PUM2: variants seen among roughly 807,000 people sequenced by gnomAD.
PUM2 encodes the protein pumilio RNA binding family member 2.
In PUM2, 57 loss-of-function variants were observed where a neutral mutation model predicts 124.5. The observed-to-expected ratio is 0.46, with a 90% CI of 0.37 to 0.57. The LOEUF (loss-of-function observed/expected upper bound fraction) is 0.57. PUM2 is among the 20% of genes least tolerant of loss of function. The pLI is 0.00. For missense variants in PUM2, 1,065 were observed against 1,290.6 expected, an observed-to-expected ratio of 0.83 and a Z score of 2.68; for synonymous variants, 460 against 446.1, an observed-to-expected ratio of 1.03 and a Z score of -0.39.
At chr2:20,316,760 T>C (rs1332914585) in intron 3 of PUM2, among the ~76,000 whole-genome samples, 2 of 152,050 alleles carry the variant, frequency 1.3e-5, no homozygotes, top group African/African-American at 4.8e-5. Flanking sequence ...CGGCCAGGCA[T>C]GGTGGCTCAT....
chr2:20,294,277 C>T, intron 9 of PUM2, 99 bp downstream of exon 9: 3 of 1,371,132 alleles, frequency 2.2e-6, no homozygotes, highest in South Asian at 1.4e-5. Flanking sequence ...TCGTGTTACA[C>T]AGTGAGGAAA....
intron 13 of PUM2, among the ~76,000 whole-genome samples, chr2:20,264,963 T>G (rs1404194033): frequency 6.6e-6 from 1 of 152,128 alleles, no homozygotes; most frequent in African/African-American, 2.4e-5. Flanking sequence ...ATGCATTATT[T>G]ATTTGAATCC....
chr2:20,290,445 TC>T (rs1673759015), intron 10 of PUM2, among the ~76,000 whole-genome samples: 1 of 6,538 alleles, frequency 1.5e-4, no homozygotes. Flanking sequence ...TATTTACCAT[TC>T]CTGTCGTTGA....
intron 8 of PUM2, among the ~76,000 whole-genome samples, chr2:20,296,434 G>A (rs897366610): frequency 2.6e-5 from 4 of 151,800 alleles, no homozygotes; most frequent in Non-Finnish European, 5.9e-5. Context: ...GGCGGAGCTT[G>A]CAGTGAGCCG....
intron 19 of PUM2, 78 bp from the exon 20 acceptor site, chr2:20,254,092 C>T: frequency 1.6e-6 from 2 of 1,237,308 alleles, no homozygotes; most frequent in South Asian, 2.9e-5. Flanking sequence ...TAGAAAGAAT[C>T]TTCTCCAATG....
chr2:20,347,380 C>T (rs1407229641), intron 1 of PUM2, among the ~76,000 whole-genome samples: 1 of 151,946 alleles, frequency 6.6e-6, no homozygotes, highest in Non-Finnish European at 1.5e-5. Context: ...GAAAAAGTCA[C>T]TAAGGAAAAA....
intron 3 of PUM2, among the ~76,000 whole-genome samples, chr2:20,314,540 A>G (rs945334425): frequency 2.0e-5 from 3 of 152,244 alleles, no homozygotes; most frequent in Non-Finnish European, 4.4e-5. Context: ...GTAAGCTACC[A>G]GCTACCTCTG....
At chr2:20,350,567 C>T (rs993232277) in intron 1 of PUM2, 30 bp downstream of exon 1, 1 of 985,400 alleles carries the variant, frequency 1.0e-6, no homozygotes, top group African/African-American at 1.7e-5. Context: ...GCCAAAGGAC[C>T]GGAGAAAGAG....
At chr2:20,318,042 GTA>G (rs1457321218) in intron 3 of PUM2, among the ~76,000 whole-genome samples, 2 of 152,074 alleles carry the variant, frequency 1.3e-5, no homozygotes, top group Admixed American at 6.5e-5. Context: ...ATTCCTTGGG[GTA>G]TATACCCAAT....
At chr2:20,339,418 T>C (rs1286508431) in intron 1 of PUM2, among the ~76,000 whole-genome samples, 2 of 152,168 alleles carry the variant, frequency 1.3e-5, no homozygotes, top group African/African-American at 4.8e-5. Flanking sequence ...ATTTTAGTCT[T>C]GTTTGTAAGT....
At chr2:20,340,279 G>T (rs1180476129) in intron 1 of PUM2, among the ~76,000 whole-genome samples, 1 of 152,210 alleles carries the variant, frequency 6.6e-6, no homozygotes, top group Non-Finnish European at 1.5e-5. Context: ...CACTCCAACA[G>T]CAATGTAAGA....
At chr2:20,294,588 T>TC in intron 8 of PUM2, 70 bp from the exon 9 acceptor site, 1 of 1,460,094 alleles carries the variant, frequency 6.8e-7, no homozygotes, top group Non-Finnish European at 9.1e-7. Context: ...TAGCTACCTA[T>TC]CATCAGATTA....
chr2:20,268,520 A>G (rs1429451678), intron 13 of PUM2, among the ~76,000 whole-genome samples: 10 of 152,190 alleles, frequency 6.6e-5, no homozygotes, highest in African/African-American at 2.4e-4. Context: ...CGGGAGGCTG[A>G]GACAGGAGAA....
chr2:20,269,584 T>C (rs1036156155), intron 13 of PUM2, among the ~76,000 whole-genome samples: 10 of 152,196 alleles, frequency 6.6e-5, no homozygotes, highest in African/African-American at 2.4e-4. Context: ...AAAGTGGGCA[T>C]ATTTAAAAGT....
intron 12 of PUM2, among the ~76,000 whole-genome samples, chr2:20,280,106 T>C (rs928973295): frequency 9.9e-5 from 15 of 152,130 alleles, no homozygotes; most frequent in Admixed American, 3.3e-4. Context: ...GAGTACATCA[T>C]GGGTAGACCA....
intron 1 of PUM2, among the ~76,000 whole-genome samples, chr2:20,340,081 A>G (rs1480163699): frequency 6.6e-6 from 1 of 151,998 alleles, no homozygotes; most frequent in Non-Finnish European, 1.5e-5. Flanking sequence ...ATATATTTCT[A>G]GCTTTCAAAG....
intron 15 of PUM2, among the ~76,000 whole-genome samples, chr2:20,259,924 C>T (rs922239581): frequency 1.3e-5 from 2 of 152,224 alleles, no homozygotes; most frequent in African/African-American, 4.8e-5. Context: ...TTCTCCATAT[C>T]CTCATCCACA....
intron 7 of PUM2, among the ~76,000 whole-genome samples, chr2:20,299,412 C>G (rs1676422972): frequency 6.6e-6 from 1 of 152,086 alleles, no homozygotes; most frequent in Non-Finnish European, 1.5e-5. Context: ...TGCCTGTGAT[C>G]CCACGACTTT....
intron 3 of PUM2, among the ~76,000 whole-genome samples, chr2:20,313,506 C>A (rs528884578): frequency 6.6e-6 from 1 of 152,022 alleles, no homozygotes; most frequent in Non-Finnish European, 1.5e-5. Context: ...CAATTTATAA[C>A]GTAACAATTC....
Sources: allele counts gnomAD v4.1 joint callset (sites outside exome capture counted in the v4.1 genomes callset), GRCh38; gene constraint gnomAD v4.1.1; transcripts MANE v1.5; gene names NCBI Gene and HGNC (gene_info 2026-07-23, HGNC 2026-07-21).